Variants in TET3 observed in about 807,000 individuals in gnomAD.
The protein encoded by TET3 is methylcytosine dioxygenase TET3.
Under a neutral mutation model 141.4 loss-of-function variants are expected in TET3, and 19 were observed. The ratio of observed to expected loss-of-function variants is 0.13; its 90% confidence interval spans 0.09 to 0.20. The LOEUF is 0.20. TET3 is among the 10% of genes least tolerant of loss of function. The pLI, the probability that TET3 is intolerant of heterozygous loss-of-function variation, is 1.00. For missense variants in TET3, 1,874 were observed against 2,356.9 expected, an observed-to-expected ratio of 0.80 and a Z score of 4.24; for synonymous variants, 1,043 against 980.9, an observed-to-expected ratio of 1.06 and a Z score of -1.18.
intron 8 of TET3, 147 bp from the exon 9 acceptor site, chr2:74,092,755 C>T (rs1690577844): frequency 2.9e-6 from 2 of 691,474 alleles, no homozygotes; most frequent in South Asian, 1.7e-5. Flanking sequence ...GCACCACAGC[C>T]CTCCTGAAGG....
chr2:74,079,431 T>C (rs1306156412), intron 5 of TET3, among the ~76,000 whole-genome samples: 1 of 152,118 alleles, frequency 6.6e-6, no homozygotes, highest in Admixed American at 6.5e-5. Context: ...AGGGAATAGG[T>C]GGCAAATGAC....
At chr2:73,999,011 C>T (rs949063472) in intron 2 of TET3, among the ~76,000 whole-genome samples, 2 of 152,064 alleles carry the variant, frequency 1.3e-5, no homozygotes, top group African/African-American at 4.8e-5. Context: ...ATGTTAGAAG[C>T]GCCGTTGGTT....
chr2:74,129,337 A>C, the TET3 span, among the ~76,000 whole-genome samples: 6 of 149,224 alleles, frequency 4.0e-5, no homozygotes, highest in African/African-American at 1.2e-4. Flanking sequence ...AAAAAAAAAA[A>C]AAAAAAAAAA....
intron 3 of TET3, among the ~76,000 whole-genome samples, chr2:74,032,422 G>A (rs1342369411): frequency 6.6e-6 from 1 of 151,880 alleles, no homozygotes; most frequent in East Asian, 1.9e-4. Flanking sequence ...TTGGGCGATG[G>A]CCCCAGCGGC....
Position 74,047,311 on chromosome 2 carries a change from A to G in TET3, c.1394A>G (p.Gln465Arg). 6.2e-7 allele frequency: 1 copy of G among 1,613,948 alleles called. No individual in the cohort carries two copies. Among genetic ancestry groups the G allele is most frequent in the Non-Finnish European group, 8.5e-7 (1 of 1,179,870 alleles). Residue 465 changes from glutamine to arginine, a missense_variant, in exon 4 of 12, where the codon CAG becomes CGG. Transcript: ENST00000409262. The part of the protein sequence containing the change: ...PSPDPMAELE[Q>R]LLGSASDYIQ... ...CCCGATCCCATGGCTGAACTGGAGCAGTTGTTGGGCAGCGCCAGTGATTAC... is the reference window on the plus strand; with the variant it reads ...CCCGATCCCATGGCTGAACTGGAGCGGTTGTTGGGCAGCGCCAGTGATTAC...
At chr2:74,011,227 CAAAAAAAAAA>C (rs34155044) in intron 3 of TET3, among the ~76,000 whole-genome samples, 3 of 94,400 alleles carry the variant, frequency 3.2e-5, no homozygotes, top group South Asian at 4.2e-4. Flanking sequence ...GACTCCGTTT[CAAAAAAAAAA>C]AAAAAAAAAC....
chr2:74,100,262 C>T (rs1443385165), intron 11 of TET3, 131 bp from the exon 12 acceptor site: 8 of 1,006,076 alleles, frequency 8.0e-6, no homozygotes, highest in Non-Finnish European at 1.2e-5. Context: ...GCCTCAGCAC[C>T]TCACCTGCCT....
intron 3 of TET3, among the ~76,000 whole-genome samples, chr2:74,003,429 T>TTG (rs1684972396): frequency 6.6e-6 from 1 of 150,664 alleles, no homozygotes; most frequent in African/African-American, 2.4e-5. Context: ...GAACTGTTTT[T>TTG]TTTTTTTTTT....
Position 74,102,279 on chromosome 2 carries a change from T to C in TET3, c.*103T>C, listed in dbSNP as rs1162603144. 1 of 1,351,430 alleles carries C rather than the reference T, an allele frequency of 7.4e-7. No individual in the cohort carries two copies. The highest frequency in any genetic ancestry group is 2.7e-5 in the East Asian group (1 of 37,034). The allele number at this position is 1,351,430 out of a possible 1,614,324, so 83.7% of individuals were successfully genotyped here. ...GGCGGGTTGGGGGTGCAGAAGTCTT[T>C]TTATCTCTATATACATATATAGATG... On this transcript the variant is annotated 3_prime_UTR_variant, in exon 12 of 12. Coordinates refer to ENST00000409262, the MANE Select transcript of TET3 (RefSeq NM_001287491.2).
intron 6 of TET3, among the ~76,000 whole-genome samples, chr2:74,085,771 C>T (rs1047486247): frequency 3.3e-5 from 5 of 152,192 alleles, no homozygotes; most frequent in African/African-American, 1.2e-4. Flanking sequence ...TACAGGTCCG[C>T]ACCCTGGGGG....
chr2:74,077,440 A>G (rs147967408), intron 5 of TET3, among the ~76,000 whole-genome samples: 181 of 152,304 alleles, frequency 1.2e-3, no homozygotes, highest in African/African-American at 4.1e-3. Flanking sequence ...TTGTATGATT[A>G]GTTATCCTTT....
chr2:74,035,030 A>G (rs1218394345), intron 3 of TET3, among the ~76,000 whole-genome samples: 1 of 132,392 alleles, frequency 7.6e-6, no homozygotes, highest in African/African-American at 3.3e-5. Context: ...TCTCTACTAA[A>G]AAATACAAAA....
intron 3 of TET3, among the ~76,000 whole-genome samples, chr2:74,003,369 T>C (rs1684967291): frequency 6.6e-6 from 1 of 151,466 alleles, no homozygotes; most frequent in Non-Finnish European, 1.5e-5. Context: ...TTGGATTCTT[T>C]TTGCTTTCTC....
At chr2:74,134,545 C>G in the TET3 span, 1 of 371,888 alleles carries the variant, frequency 2.7e-6, no homozygotes, top group African/African-American at 2.1e-5. Flanking sequence ...CCCCTAACTT[C>G]TCTGGTGGTC....
chr2:74,032,681 G>A (rs1318028802), intron 3 of TET3, among the ~76,000 whole-genome samples: 1 of 152,094 alleles, frequency 6.6e-6, no homozygotes, highest in Non-Finnish European at 1.5e-5. Flanking sequence ...GCTTGAGGCA[G>A]GGGCTTCCGT....
intron 2 of TET3, among the ~76,000 whole-genome samples, chr2:73,988,273 A>C (rs1358289196): frequency 1.3e-5 from 2 of 152,082 alleles, no homozygotes; most frequent in African/African-American, 4.8e-5. Flanking sequence ...GGAGCTGCTG[A>C]GTCTACTTTG....
At chr2:74,123,870 C>T in the TET3 span, among the ~76,000 whole-genome samples, 16 of 149,824 alleles carry the variant, frequency 1.1e-4, no homozygotes, top group East Asian at 2.1e-3. Flanking sequence ...TCTGCCCCGC[C>T]GCCCCGTCTG....
At chr2:74,074,622 C>G (rs1006519565) in intron 5 of TET3, among the ~76,000 whole-genome samples, 1 of 152,222 alleles carries the variant, frequency 6.6e-6, no homozygotes, top group Non-Finnish European at 1.5e-5. Context: ...CTGCCACTCA[C>G]TGCTGAGTCC....
chr2:74,072,456 G>A, intron 4 of TET3, among the ~76,000 whole-genome samples: 1 of 150,900 alleles, frequency 6.6e-6, no homozygotes, highest in East Asian at 1.9e-4. Context: ...AGGTTGCAGT[G>A]AGCCAAGATC....
Sources: allele counts gnomAD v4.1 joint callset (sites outside exome capture counted in the v4.1 genomes callset), GRCh38; gene constraint gnomAD v4.1.1; transcripts MANE v1.5; gene names NCBI Gene and HGNC (gene_info 2026-07-23, HGNC 2026-07-21).